The following PRIMA1 variants were observed in gnomAD, a reference collection of about 807,000 sequenced individuals.
PRIMA1 encodes proline-rich membrane anchor 1.
PRIMA1 carries 7 observed loss-of-function variants against 17.5 expected under a neutral mutation model. The ratio of observed to expected loss-of-function variants is 0.40; its 90% CI spans 0.23 to 0.75. PRIMA1 has a LOEUF of 0.75. Among genes scored for constraint, PRIMA1 ranks in the 30% least tolerant of loss-of-function variants. PRIMA1 has a pLI of 0.37. For synonymous variants in PRIMA1, 97 were observed against 77.9 expected (o/e 1.25, Z -1.29); for missense variants, 200 against 201.8 (o/e 0.99, Z 0.05).
intron 4 of PRIMA1, among the ~76,000 whole-genome samples, chr14:93,734,335 G>T (rs946478726): frequency 1.3e-5 from 2 of 152,216 alleles, no homozygotes; most frequent in Non-Finnish European, 2.9e-5. Flanking sequence ...GGTTTGGCCA[G>T]TGTGAGGCAC....
At chr14:93,742,919 G>A (rs1418601225) in intron 3 of PRIMA1, among the ~76,000 whole-genome samples, 1 of 152,194 alleles carries the variant, frequency 6.6e-6, no homozygotes, top group Non-Finnish European at 1.5e-5. Context: ...TGTATGACCC[G>A]GGCAAACAGC....
chr14:93,751,584 C>T (rs1434554619), intron 3 of PRIMA1, among the ~76,000 whole-genome samples: 3 of 152,200 alleles, frequency 2.0e-5, no homozygotes, highest in Non-Finnish European at 4.4e-5. Context: ...TTTCCACATT[C>T]TAGATGACTC....
At chr14:93,783,940 C>T (rs2141197927) in intron 2 of PRIMA1, among the ~76,000 whole-genome samples, 1 of 152,314 alleles carries the variant, frequency 6.6e-6, no homozygotes. Flanking sequence ...CGTCCTACTC[C>T]TGGCCAATCA....
At chr14:93,764,195 C>T (rs1472834194) in intron 3 of PRIMA1, among the ~76,000 whole-genome samples, 1 of 152,014 alleles carries the variant, frequency 6.6e-6, no homozygotes, top group Non-Finnish European at 1.5e-5. Flanking sequence ...CGCCCTCACC[C>T]CTCTGGCTCA....
intron 3 of PRIMA1, among the ~76,000 whole-genome samples, chr14:93,771,693 T>C (rs1028266054): frequency 3.3e-5 from 5 of 152,114 alleles, no homozygotes; most frequent in African/African-American, 1.2e-4. Flanking sequence ...TGGTGTGACA[T>C]TTGTGGAAGT....
rs141803515 is a variant in PRIMA1, at chr14:93,766,907, A to G, written c.229+12269T>C. 2.1e-3 allele frequency among the ~76,000 whole-genome samples: 314 copies of G among 152,346 alleles called. 2 individuals carry two copies. Among genetic ancestry groups the G allele is most frequent in the African/African-American group, 7.3e-3 (303 of 41,586 alleles). Reference sequence around the variant, plus strand: ...ACAAACTGATTAACTGATAAGGACCATATCTTCTTTATTTTCATCTCTACC... The same window carrying G: ...ACAAACTGATTAACTGATAAGGACCGTATCTTCTTTATTTTCATCTCTACC... On this transcript the variant is annotated intron_variant, in intron 3 of 4. Transcript: ENST00000393140.
At chr14:93,763,666 C>A (rs1406708644) in intron 3 of PRIMA1, among the ~76,000 whole-genome samples, 1 of 152,128 alleles carries the variant, frequency 6.6e-6, no homozygotes, top group Non-Finnish European at 1.5e-5. Context: ...TGGATGCGTG[C>A]CCCGTCTGCT....
chr14:93,767,528 C>G (rs2141184558), intron 3 of PRIMA1, among the ~76,000 whole-genome samples: 1 of 152,246 alleles, frequency 6.6e-6, no homozygotes, highest in African/African-American at 2.4e-5. Flanking sequence ...CAAACTCATG[C>G]CAAGGTGAAT....
intron 2 of PRIMA1, among the ~76,000 whole-genome samples, chr14:93,785,242 A>AT (rs986522378): frequency 1.8e-4 from 27 of 151,348 alleles, no homozygotes; most frequent in Admixed American, 2.0e-4. Flanking sequence ...AGAACCCTAA[A>AT]TCACAAAAGC....
At chr14:93,738,504 G>A (rs894097790) in intron 3 of PRIMA1, among the ~76,000 whole-genome samples, 5 of 152,130 alleles carry the variant, frequency 3.3e-5, no homozygotes, top group Admixed American at 6.5e-5. Context: ...TATTAACTTT[G>A]GACAGGTCTC....
chr14:93,735,419 G>C, intron 4 of PRIMA1, among the ~76,000 whole-genome samples: 1 of 152,084 alleles, frequency 6.6e-6, no homozygotes, highest in East Asian at 1.9e-4. Context: ...CCTCTGCTCC[G>C]CTGCTTAAAA....
intron 3 of PRIMA1, among the ~76,000 whole-genome samples, chr14:93,752,308 G>A (rs900169786): frequency 4.6e-5 from 7 of 152,302 alleles, no homozygotes; most frequent in African/African-American, 1.7e-4. Context: ...TCACAGAGCT[G>A]CGAGTAAAGT....
intron 3 of PRIMA1, among the ~76,000 whole-genome samples, chr14:93,760,566 C>T (rs2141179513): frequency 6.6e-6 from 1 of 152,306 alleles, no homozygotes; most frequent in South Asian, 2.1e-4. Context: ...GGCCCATCTA[C>T]AGCACTTGGT....
intron 3 of PRIMA1, among the ~76,000 whole-genome samples, chr14:93,744,295 G>A (rs1362491293): frequency 6.6e-6 from 1 of 152,182 alleles, no homozygotes. Context: ...GGGTGGGGCC[G>A]GCCACTCTTC....
rs1389755352 is a variant in PRIMA1, at chr14:93,719,393, G to A, written c.*2051C>T. The A allele has an allele frequency of 6.6e-6, 1 of 152,318 alleles. No individual in the cohort carries two copies. The highest frequency in any genetic ancestry group is 1.5e-5 in the Non-Finnish European group (1 of 68,116). The allele number at this position is 152,318 out of a possible 1,614,324, so 9.4% of individuals were successfully genotyped here. A position where few individuals can be genotyped will look rare whatever the true frequency, so the allele number is the denominator to read the frequency against. Reference sequence around the variant, plus strand: ...GGGCTGTGCCCAGCCCCTTCAGGCTGCCCACCACTCCATGGTCCCTTAGCC... The same window carrying A: ...GGGCTGTGCCCAGCCCCTTCAGGCTACCCACCACTCCATGGTCCCTTAGCC... On this transcript the variant is annotated 3_prime_UTR_variant, in exon 5 of 5. Coordinates refer to ENST00000393140, the MANE Select transcript of PRIMA1 (RefSeq NM_178013.4).
chr14:93,732,056 A>T (rs952048845), intron 4 of PRIMA1, among the ~76,000 whole-genome samples: 3 of 152,232 alleles, frequency 2.0e-5, no homozygotes, highest in African/African-American at 7.2e-5. Flanking sequence ...CCGTCCTGAG[A>T]CCACGTATTG....
chr14:93,723,133 T>C (rs2076053246), intron 4 of PRIMA1, among the ~76,000 whole-genome samples: 1 of 152,074 alleles, frequency 6.6e-6, no homozygotes, highest in Admixed American at 6.5e-5. Flanking sequence ...ATCCTCCTGG[T>C]CTAAGCCACA....
intron 4 of PRIMA1, among the ~76,000 whole-genome samples, chr14:93,733,820 C>T (rs1041808997): frequency 1.3e-5 from 2 of 152,240 alleles, no homozygotes; most frequent in African/African-American, 2.4e-5. Context: ...TCCTCCACTT[C>T]GCTGGAGAGA....
chr14:93,747,320 G>C (rs1163605408), intron 3 of PRIMA1, among the ~76,000 whole-genome samples: 2 of 152,236 alleles, frequency 1.3e-5, no homozygotes, highest in Non-Finnish European at 2.9e-5. Flanking sequence ...CCAGCCATGG[G>C]ATGGTGCCAC....
Sources: allele counts gnomAD v4.1 joint callset (sites outside exome capture counted in the v4.1 genomes callset), GRCh38; gene constraint gnomAD v4.1.1; transcripts MANE v1.5; gene names NCBI Gene and HGNC (gene_info 2026-07-23, HGNC 2026-07-21).